The following SLC25A4 variants were observed in gnomAD, a reference collection of about 807,000 sequenced individuals.
The protein encoded by SLC25A4 is ADP/ATP translocase 1.
SLC25A4 carries 10 observed loss-of-function variants against 24.7 expected under a neutral mutation model. The observed-to-expected ratio is 0.41, with a 90% CI of 0.25 to 0.69. The LOEUF (loss-of-function observed/expected upper bound fraction) is 0.69, where lower values mean the gene tolerates loss of function less well. Ranked by LOEUF, SLC25A4 falls within the 30% of genes least tolerant of loss-of-function variation. The pLI is 0.35. For missense variants in SLC25A4, 273 were observed against 387.6 expected (o/e 0.70, Z 2.48); for synonymous variants, 125 against 153.3 (o/e 0.82, Z 1.36).
In SLC25A4 at chr4:185,145,948, G is replaced by T; in HGVS notation, c.739+49G>T. ...AAACTTGTTTGGTTTTGCCCGAGGA[G>T]AACATTTTACAGGGCTCCTTTCAGT... On this transcript the variant is annotated intron_variant, in intron 3 of 3. Transcript: ENST00000281456. This position sits in a 1 kb window ranked among gnomAD's most constrained non-coding sequence, Gnocchi z 5.5. The T allele has an allele frequency of 6.2e-7, 1 of 1,609,350 alleles. No homozygotes were observed. Among genetic ancestry groups the T allele is most frequent in the Non-Finnish European group, 8.5e-7 (1 of 1,177,210 alleles).
rs1203458484 is a variant in SLC25A4 at position 185,145,073 on chromosome 4, T to C, written c.421T>C (p.Leu141=). 2.5e-6 allele frequency: 4 copies of C among 1,613,824 alleles called. No individual in the cohort carries two copies. The highest frequency in any genetic ancestry group is 4.5e-5 in the East Asian group (2 of 44,882). ...VYPLDFARTR[L]AADVGKGAAQ... The stretch of plus-strand genomic sequence containing the variant: ...CCCGCTGGACTTTGCTAGGACCAGG[T>C]TGGCTGCTGATGTGGGCAAGGGCGC... Residue 141 remains leucine, a synonymous_variant, in exon 2 of 4, where the codon TTG becomes CTG. Transcript: ENST00000281456. This position sits in a 1 kb window ranked among gnomAD's most constrained non-coding sequence, Gnocchi z 5.5.
In SLC25A4 at chr4:185,147,972, C is replaced by T. The variant is rs1170501766; in HGVS notation, c.*1001C>T. ...ATCCATCCTAAGCGACAGGGCAAGA[C>T]TCTGTCTCAAAAAAAAAAAAAAGAA... On this transcript the variant is annotated 3_prime_UTR_variant, in exon 4 of 4. Coordinates refer to ENST00000281456, the MANE Select transcript of SLC25A4 (RefSeq NM_001151.4). 1.3e-5 allele frequency: 2 copies of T among 149,742 alleles called. No individual in the cohort carries two copies. Among genetic ancestry groups the T allele is most frequent in the Non-Finnish European group, 3.0e-5 (2 of 67,640 alleles). 9.3% of individuals were successfully genotyped at this position (149,742 alleles called of 1,614,324 possible).
chr4:185,143,599 GC>G (rs1734384875), intron 1 of SLC25A4, 116 bp downstream of exon 1: 1 of 153,788 alleles, frequency 6.5e-6, no homozygotes, highest in Non-Finnish European at 1.2e-5. Flanking sequence ...CAGGCCACAG[GC>G]CCGGGCGCCC....
chr4:185,144,056 C>A (rs1451314624), intron 1 of SLC25A4, among the ~76,000 whole-genome samples: 1 of 152,190 alleles, frequency 6.6e-6, no homozygotes, highest in African/African-American at 2.4e-5. Context: ...GTCTCCAAAT[C>A]TTTTCCTCCC....
In SLC25A4 at chr4:185,147,167, T is replaced by G; in HGVS notation, c.*196T>G. The G allele has an allele frequency of 1.8e-6, 1 of 555,698 alleles. No homozygotes were observed. 34.4% of individuals were successfully genotyped at this position (555,698 alleles called of 1,614,324 possible). On this transcript the variant is annotated 3_prime_UTR_variant, in exon 4 of 4. Transcript: ENST00000281456. Reference sequence around the variant, plus strand: ...ACATGTATTTTGTATTTATTTTACATTTAAATTCCCACAGCAAATAGAAAA... The same window carrying G: ...ACATGTATTTTGTATTTATTTTACAGTTAAATTCCCACAGCAAATAGAAAA...
chr4:185,146,479 C>T (rs1734444601), intron 3 of SLC25A4, among the ~76,000 whole-genome samples: 1 of 152,232 alleles, frequency 6.6e-6, no homozygotes, highest in African/African-American at 2.4e-5. Context: ...GGCTCGGCCT[C>T]AGTTCGGTCC....
chr4:185,149,414 T>C lies in SLC25A4; in HGVS notation c.*2443T>C, dbSNP rs1734498530. 1 of 152,318 alleles carries C rather than the reference T, an allele frequency of 6.6e-6. No homozygotes were observed. Among genetic ancestry groups the C allele is most frequent in the African/African-American group, 2.4e-5 (1 of 41,460 alleles). 9.4% of individuals were successfully genotyped at this position (152,318 alleles called of 1,614,324 possible). On this transcript the variant is annotated 3_prime_UTR_variant, in exon 4 of 4. Transcript: ENST00000281456. ...GTGCACATTATCTACATTCTCTGCA[T>C]GTGACCCAGATGTCAGCCCTTCCGC...
chr4:185,143,843 C>T (rs1734390089), intron 1 of SLC25A4, among the ~76,000 whole-genome samples: 1 of 152,172 alleles, frequency 6.6e-6, no homozygotes, highest in African/African-American at 2.4e-5. Flanking sequence ...CCGTCTTATG[C>T]GCACGCACCT....
chr4:185,144,997 T>C lies in SLC25A4; in HGVS notation c.345T>C (p.Gly115=), dbSNP rs368932623. The C allele has an allele frequency of 5.0e-6, 8 of 1,614,232 alleles. No homozygotes were observed. The highest frequency in any genetic ancestry group is 5.9e-6 in the Non-Finnish European group (7 of 1,180,040). The part of the protein sequence containing the change: ...RHKQFWRYFA[G]NLASGGAAGA... ...AGCAGTTCTGGCGCTACTTTGCTGG[T>C]AACCTGGCGTCCGGTGGGGCCGCTG... The change falls in exon 2 of 4, where the codon GGT becomes GGC. Residue 115 remains glycine, a synonymous_variant. Transcript: ENST00000281456.
At chr4:185,143,774 G>T (rs1273390509) in intron 1 of SLC25A4, among the ~76,000 whole-genome samples, 1 of 152,044 alleles carries the variant, frequency 6.6e-6, no homozygotes, top group Non-Finnish European at 1.5e-5. Flanking sequence ...CTGCGCCCGT[G>T]ACAGCACGGG....
rs1439040816 is a variant in SLC25A4 at position 185,143,491 on chromosome 4, C to G, written c.111+8C>G. Reference sequence around the variant, plus strand: ...GTCAAACTGCTGCTGCAGGTGAGGACCGCGCGGTGCAAGAGGCGGGCGCGG... The same window carrying G: ...GTCAAACTGCTGCTGCAGGTGAGGAGCGCGCGGTGCAAGAGGCGGGCGCGG... On this transcript the variant is annotated splice_region_variant and intron_variant, in intron 1 of 3. Coordinates refer to ENST00000281456, the MANE Select transcript of SLC25A4 (RefSeq NM_001151.4). The G allele has an allele frequency of 7.2e-7, 1 of 1,390,176 alleles. No homozygotes were observed. 86.1% of individuals were successfully genotyped at this position (1,390,176 alleles called of 1,614,324 possible). A position where few individuals can be genotyped will look rare whatever the true frequency, so the allele number is the denominator to read the frequency against.
rs1374246648 is a variant in SLC25A4 at position 185,148,690 on chromosome 4, GGAAA to G, written c.*1720_*1723del. On this transcript the variant is annotated 3_prime_UTR_variant, in exon 4 of 4. Coordinates refer to ENST00000281456, the MANE Select transcript of SLC25A4 (RefSeq NM_001151.4). ...GCTCCTCCGAGATTTGCGAGCCAGA[GGAAA>G]ATACTTAGACTATCAGGTTGGAAAG... 1 of 152,044 alleles carries G rather than the reference GGAAA, an allele frequency of 6.6e-6. No homozygotes were observed. The highest frequency in any genetic ancestry group is 1.5e-5 in the Non-Finnish European group (1 of 68,020). 9.4% of individuals were successfully genotyped at this position (152,044 alleles called of 1,614,324 possible).
At chr4:185,146,526 T>C (rs1734445563) in intron 3 of SLC25A4, among the ~76,000 whole-genome samples, 2 of 152,230 alleles carry the variant, frequency 1.3e-5, no homozygotes, top group Non-Finnish European at 1.5e-5. Context: ...ATAATACTCC[T>C]GCTCCACTGC....
Position 185,145,278 on chromosome 4 carries a change from G to A in SLC25A4, c.598+28G>A. On this transcript the variant is annotated intron_variant, in intron 2 of 3. Transcript: ENST00000281456. The surrounding 1 kb of genome is among the most constrained non-coding windows in gnomAD (Gnocchi z 5.5). ...GAGAGAGGGGCATCGGGGAGAAGGA[G>A]GGTGGTGTGGAAAGAGGATCCTATG... The A allele has an allele frequency of 6.2e-7, 1 of 1,613,396 alleles. No individual in the cohort carries two copies. The highest frequency in any genetic ancestry group is 8.5e-7 in the Non-Finnish European group (1 of 1,180,012).
Position 185,146,941 on chromosome 4 carries a change from G to T in SLC25A4, c.867G>T (p.Val289=), listed in dbSNP as rs771474644. The T allele has an allele frequency of 5.0e-6, 8 of 1,614,036 alleles. No individual in the cohort carries two copies. In the Admixed American group the frequency reaches 6.7e-5, roughly 13 times the overall value. The change falls in exon 4 of 4, where the codon GTG becomes GTT. Residue 289 remains valine (V), a synonymous_variant. Coordinates refer to ENST00000281456, the MANE Select transcript of SLC25A4 (RefSeq NM_001151.4). ...GCATGGGCGGTGCTTTTGTATTGGT[G>T]TTGTATGATGAGATCAAAAAATATG... ...LRGMGGAFVL[V]LYDEIKKYV
chr4:185,147,001 C>G lies in SLC25A4; in HGVS notation c.*30C>G. On this transcript the variant is annotated 3_prime_UTR_variant, in exon 4 of 4. Transcript: ENST00000281456. ...ATTAAAACACAAGTTCACAGATTTACAGTGAACTTGATCTACAAGTTCACA... is the reference window on the plus strand; with the variant it reads ...ATTAAAACACAAGTTCACAGATTTAGAGTGAACTTGATCTACAAGTTCACA... 6.3e-7 allele frequency: 1 copy of G among 1,596,360 alleles called. No individual in the cohort carries two copies. The highest frequency in any genetic ancestry group is 1.1e-5 in the South Asian group (1 of 90,300).
chr4:185,149,656 A>T lies in SLC25A4; in HGVS notation c.*2685A>T, dbSNP rs1311347129. On this transcript the variant is annotated 3_prime_UTR_variant, in exon 4 of 4. Transcript: ENST00000281456. ...TCATGCTGGAAGGTCTGGTTTACGT[A>T]AAAGTGACAAGTTGGAATTGAGCGT... is the stretch of plus-strand genomic sequence containing the variant. 6.6e-6 allele frequency: 1 copy of T among 152,228 alleles called. No homozygotes were observed. Among genetic ancestry groups the T allele is most frequent in the African/African-American group, 2.4e-5 (1 of 41,442 alleles). 9.4% of individuals were successfully genotyped at this position (152,228 alleles called of 1,614,324 possible).
chr4:185,145,321 A>G lies in SLC25A4; in HGVS notation c.598+71A>G. The G allele has an allele frequency of 6.2e-7, 1 of 1,605,784 alleles. No individual in the cohort carries two copies. Among genetic ancestry groups the G allele is most frequent in the South Asian group, 1.1e-5 (1 of 90,494 alleles). On this transcript the variant is annotated intron_variant, in intron 2 of 3. Transcript: ENST00000281456. This position sits in a 1 kb window ranked among gnomAD's most constrained non-coding sequence, Gnocchi z 5.5. Reference sequence around the variant, plus strand: ...ATCCTATGGGATCTATAACTCACAAAGGACCTGATATATATTGATCTTGTT... The same window carrying G: ...ATCCTATGGGATCTATAACTCACAAGGGACCTGATATATATTGATCTTGTT...
rs752939660 is a variant in SLC25A4, at chr4:185,143,358, C to T, written c.-15C>T. Reference sequence around the variant, plus strand: ...GAACGGGCTGCCTGCGGGCTGAGAGCGTCGAGCTGTCACCATGGGTGATCA... The same window carrying T: ...GAACGGGCTGCCTGCGGGCTGAGAGTGTCGAGCTGTCACCATGGGTGATCA... On this transcript the variant is annotated 5_prime_UTR_variant, in exon 1 of 4. Coordinates refer to ENST00000281456, the MANE Select transcript of SLC25A4 (RefSeq NM_001151.4). The T allele has an allele frequency of 1.0e-5, 15 of 1,464,196 alleles. No individual in the cohort carries two copies. The East Asian group carries it at 3.3e-4, about 33-fold the overall frequency. 90.7% of individuals were successfully genotyped at this position (1,464,196 alleles called of 1,614,324 possible).
Sources: allele counts gnomAD v4.1 joint callset (sites outside exome capture counted in the v4.1 genomes callset), GRCh38; gene constraint gnomAD v4.1.1; non-coding constraint Gnocchi (gnomAD v3.1); transcripts MANE v1.5; gene names NCBI Gene and HGNC (gene_info 2026-07-23, HGNC 2026-07-21).